The following TRHDE variants were observed in gnomAD, a reference collection of about 807,000 sequenced individuals.
TRHDE encodes thyrotropin-releasing hormone-degrading ectoenzyme.
A neutral mutation model predicts 125.7 loss-of-function variants in TRHDE; 72 were observed. That is an observed-to-expected ratio of 0.57 (90% CI 0.47 to 0.70). The LOEUF (loss-of-function observed/expected upper bound fraction) is 0.70. TRHDE is among the 30% of genes least tolerant of loss of function. The pLI, the probability that TRHDE is intolerant of heterozygous loss-of-function variation, is 0.00. For missense variants in TRHDE, 1,110 were observed against 1,327.1 expected (o/e 0.84, Z 2.54); for synonymous variants, 509 against 509.1 (o/e 1.00, Z 0.00).
At chr12:72,213,351 TTA>T (rs1877822699) in intron 2 of TRHDE, among the ~76,000 whole-genome samples, 1 of 152,104 alleles carries the variant, frequency 6.6e-6, no homozygotes, top group Admixed American at 6.6e-5. Flanking sequence ...TGCAAATGAA[TTA>T]TATATCAATA....
chr12:72,404,195 C>T, intron 3 of TRHDE, among the ~76,000 whole-genome samples: 1 of 152,110 alleles, frequency 6.6e-6, no homozygotes, highest in Non-Finnish European at 1.5e-5. Context: ...GGGTGGATCA[C>T]CTGAGCTCAG....
intron 7 of TRHDE, among the ~76,000 whole-genome samples, chr12:72,544,649 G>A (rs558120941): frequency 1.3e-5 from 2 of 150,202 alleles, no homozygotes; most frequent in African/African-American, 4.9e-5. Context: ...ATGTCTTAAT[G>A]CTCTTTCTTC....
rs1879351864 is a variant in TRHDE, at chr12:72,273,584, T to C, written c.914+27T>C. ...TATGGAGGGAGGCGGTGCCCCGCGC[T>C]GCCCCACCCCGGCGCGCGGCTCGAA... On this transcript the variant is annotated intron_variant, in intron 1 of 18. Coordinates refer to ENST00000261180, the MANE Select transcript of TRHDE (RefSeq NM_013381.3). The surrounding 1 kb of genome is among the most constrained non-coding windows in gnomAD (Gnocchi z 5.3). 6.4e-7 allele frequency: 1 copy of C among 1,552,054 alleles called. No homozygotes were observed. Among genetic ancestry groups the C allele is most frequent in the Non-Finnish European group, 8.7e-7 (1 of 1,149,594 alleles).
At chr12:72,517,569 G>A (rs977165643) in intron 6 of TRHDE, among the ~76,000 whole-genome samples, 87 of 151,656 alleles carry the variant, frequency 5.7e-4, no homozygotes, top group South Asian at 2.1e-3. Flanking sequence ...CGGTCTATCA[G>A]TTTTGTTGAT....
chr12:72,340,322 A>G (rs1592555313), intron 2 of TRHDE, among the ~76,000 whole-genome samples: 1 of 152,166 alleles, frequency 6.6e-6, no homozygotes, highest in South Asian at 2.1e-4. Flanking sequence ...CTAAGTAGCA[A>G]TGAACTCTGC....
At chr12:72,261,616 T>G (rs1020673918) in intron 2 of TRHDE, among the ~76,000 whole-genome samples, 1 of 152,174 alleles carries the variant, frequency 6.6e-6, no homozygotes, top group Non-Finnish European at 1.5e-5. Context: ...CTAGTGGACC[T>G]TCTTTTGCTG....
rs1338299684 is a variant in TRHDE at position 72,473,091 on chromosome 12, G to A, written c.1495G>A (p.Val499Met). Reference protein sequence around the residue: ...HQWFGDLVTPVWWEDVWLKEG... With the variant: ...HQWFGDLVTPMWWEDVWLKEG... ...GTGGTTTGGTGACCTTGTGACGCCT[G>A]TGTGGTGGGAAGACGTGTGGCTGAA... Residue 499 changes from valine to methionine, a missense_variant, in exon 5 of 19, where the codon GTG becomes ATG. Physicochemically the swap from Val to Met is conservative, Grantham distance 21. Coordinates refer to ENST00000261180, the MANE Select transcript of TRHDE (RefSeq NM_013381.3). 3.1e-6 allele frequency: 5 copies of A among 1,613,882 alleles called. No homozygotes were observed. The Admixed American group carries it at 5.0e-5, about 16-fold the overall frequency.
intron 5 of TRHDE, among the ~76,000 whole-genome samples, chr12:72,497,027 C>T (rs1877947800): frequency 6.6e-6 from 1 of 152,060 alleles, no homozygotes; most frequent in Non-Finnish European, 1.5e-5. Context: ...TGGGTGTTCT[C>T]CTGCCAGGCT....
chr12:72,627,603 C>T (rs908609940), intron 15 of TRHDE, among the ~76,000 whole-genome samples: 56 of 151,962 alleles, frequency 3.7e-4, no homozygotes, highest in African/African-American at 1.1e-3. Context: ...TGCTCCATCC[C>T]TCATTGTGGA....
intron 1 of TRHDE, among the ~76,000 whole-genome samples, chr12:72,278,868 G>A (rs1003179809): frequency 9.9e-5 from 15 of 152,238 alleles, no homozygotes; most frequent in Admixed American, 4.6e-4. Flanking sequence ...TACAGACTGC[G>A]AATATTTTCT....
intron 2 of TRHDE, among the ~76,000 whole-genome samples, chr12:72,339,565 C>T (rs1161782592): frequency 6.6e-6 from 1 of 152,102 alleles, no homozygotes; most frequent in Non-Finnish European, 1.5e-5. Context: ...CAGGATTTTG[C>T]TCTCATAGTT....
chr12:72,563,202 AT>A (rs1259025494), intron 9 of TRHDE, among the ~76,000 whole-genome samples, 162 bp downstream of exon 9: 2 of 152,058 alleles, frequency 1.3e-5, no homozygotes, highest in African/African-American at 4.8e-5. Context: ...TTTTACTCCC[AT>A]TTCCTGGATA....
rs150046544 is a variant in TRHDE, at chr12:72,390,088, T to A, written c.1315+11967T>A. 8.1e-4 allele frequency among the ~76,000 whole-genome samples: 124 copies of A among 152,334 alleles called. 1 individual carries two copies. Among genetic ancestry groups the A allele is most frequent in the African/African-American group, 2.9e-3 (120 of 41,576 alleles). ...AGACTGTGACAAGCTTGAAAAACTA[T>A]GAGCTTTGTTTTGTTTTCCCATGTG... On this transcript the variant is annotated intron_variant, in intron 3 of 18. Coordinates refer to ENST00000261180, the MANE Select transcript of TRHDE (RefSeq NM_013381.3).
chr12:72,584,863 A>G (rs952871073), intron 12 of TRHDE, among the ~76,000 whole-genome samples: 1 of 152,232 alleles, frequency 6.6e-6, no homozygotes, highest in Non-Finnish European at 1.5e-5. Context: ...AATAAATATG[A>G]AAGTGCAGAT....
intron 2 of TRHDE, chr12:72,264,424 A>G (rs1313238864): frequency 6.6e-6 from 1 of 152,038 alleles, no homozygotes; most frequent in Admixed American, 6.6e-5. Context: ...TAGAAATGAT[A>G]CTAAGTTAAA....
At chr12:72,450,478 T>A (rs1875516699) in intron 3 of TRHDE, among the ~76,000 whole-genome samples, 1 of 152,094 alleles carries the variant, frequency 6.6e-6, no homozygotes, top group African/African-American at 2.4e-5. Context: ...TATGCATACA[T>A]CGTGGAATGG....
At chr12:72,519,098 T>C (rs1453715197) in intron 6 of TRHDE, among the ~76,000 whole-genome samples, 4 of 152,136 alleles carry the variant, frequency 2.6e-5, no homozygotes, top group African/African-American at 7.2e-5. Context: ...TCATTTCAAC[T>C]TTGGTGAATC....
At chr12:72,433,650 C>T (rs896950972) in intron 3 of TRHDE, among the ~76,000 whole-genome samples, 3 of 152,088 alleles carry the variant, frequency 2.0e-5, no homozygotes, top group Non-Finnish European at 4.4e-5. Context: ...CATAAAACCC[C>T]TCCTCTCACA....
intron 3 of TRHDE, among the ~76,000 whole-genome samples, chr12:72,404,222 T>A (rs1441116532): frequency 4.6e-5 from 7 of 152,110 alleles, no homozygotes; most frequent in African/African-American, 1.7e-4. Context: ...AAGACCAACC[T>A]GGGCAACATG....
Sources: gnomAD v4.1 joint callset for allele counts (sites outside exome capture counted in the v4.1 genomes callset) on GRCh38, gnomAD v4.1.1 for gene constraint, Gnocchi (gnomAD v3.1) non-coding constraint, MANE v1.5 for transcripts, NCBI Gene and HGNC (gene_info 2026-07-23, HGNC 2026-07-21) for gene names.